The following SPC25 variants were observed in gnomAD, a reference collection of about 807,000 sequenced individuals.
SPC25 encodes SPC25 component of NDC80 kinetochore complex.
In SPC25, 22 loss-of-function variants were observed where a neutral mutation model predicts 29.6. The ratio of observed to expected loss-of-function variants is 0.74; its 90% CI spans 0.53 to 1.06. The LOEUF (loss-of-function observed/expected upper bound fraction) is 1.06. Among genes scored for constraint, SPC25 ranks in the 50% least tolerant of loss-of-function variants. SPC25 has a pLI of 0.00. For synonymous variants in SPC25, 91 were observed against 90.4 expected (o/e 1.01, Z -0.04); for missense variants, 230 against 255.8 (o/e 0.90, Z 0.69).
intron 4 of SPC25, 76 bp downstream of exon 4, chr2:168,877,162 G>A (rs1309193105): frequency 6.6e-7 from 1 of 1,515,324 alleles, no homozygotes; most frequent in Non-Finnish European, 9.0e-7. Context: ...AACTGGAACA[G>A]GCAAGATGTA....
intron 3 of SPC25, among the ~76,000 whole-genome samples, chr2:168,887,764 T>C (rs480731): frequency 0.32 from 48,425 of 152,046 alleles, 8,630 homozygotes; most frequent in East Asian, 0.56. Flanking sequence ...GCAAGAATAG[T>C]AGTAAAAATA....
intron 4 of SPC25, chr2:168,861,914 T>C (rs1329556778): frequency 1.9e-6 from 3 of 1,551,704 alleles, no homozygotes; most frequent in Non-Finnish European, 1.8e-6. Context: ...CTCATATTCA[T>C]TTGCCTGCTA....
chr2:168,863,551 T>C (rs921077628), intron 4 of SPC25: 9 of 985,274 alleles, frequency 9.1e-6, no homozygotes, highest in Non-Finnish European at 1.1e-5. Flanking sequence ...TGGAATTCTC[T>C]TTATTTGAAT....
At chr2:168,875,680 G>T (rs531481715) in intron 5 of SPC25, among the ~76,000 whole-genome samples, 10 of 152,110 alleles carry the variant, frequency 6.6e-5, no homozygotes, top group African/African-American at 2.4e-4. Context: ...CCAAATGTTG[G>T]TAGAAGCAAA....
downstream of SPC25, among the ~76,000 whole-genome samples, chr2:168,870,408 G>A (rs1426557077): frequency 1.0e-2 from 1,148 of 114,964 alleles, 2 homozygotes; most frequent in African/African-American, 0.033. Flanking sequence ...ACCACCATCA[G>A]AGTGAACAGG....
At chr2:168,878,820 T>A (rs1304832274) in intron 3 of SPC25, among the ~76,000 whole-genome samples, 2 of 152,260 alleles carry the variant, frequency 1.3e-5, no homozygotes, top group Admixed American at 1.3e-4. Flanking sequence ...TTTGCTATTC[T>A]GTGCTATTTT....
At chr2:168,870,130 G>T (rs1574356866), downstream of SPC25, among the ~76,000 whole-genome samples, 5 of 151,624 alleles carry the variant, frequency 3.3e-5, no homozygotes, top group South Asian at 8.4e-4. Context: ...TTAATAAATG[G>T]TGCTGGGAAA....
At chr2:168,865,928 C>T (rs1271425266), downstream of SPC25, among the ~76,000 whole-genome samples, 1 of 152,244 alleles carries the variant, frequency 6.6e-6, no homozygotes. Context: ...ATGTGAAGGA[C>T]CTCTTCAAGG....
chr2:168,878,531 C>T (rs1690125852), intron 3 of SPC25, among the ~76,000 whole-genome samples: 1 of 152,104 alleles, frequency 6.6e-6, no homozygotes, highest in Non-Finnish European at 1.5e-5. Context: ...TTAATATTTC[C>T]CTAGAAGTTT....
chr2:168,882,559 G>A (rs1329226760), intron 3 of SPC25, among the ~76,000 whole-genome samples: 2 of 152,164 alleles, frequency 1.3e-5, no homozygotes, highest in Non-Finnish European at 2.9e-5. Context: ...CTGCGATCAC[G>A]CCACTGCACT....
intron 5 of SPC25, among the ~76,000 whole-genome samples, chr2:168,875,668 A>G (rs1690072559): frequency 6.6e-6 from 1 of 152,164 alleles, no homozygotes; most frequent in Non-Finnish European, 1.5e-5. Context: ...AAATGGCAGA[A>G]TCCAAATGTT....
intron 3 of SPC25, among the ~76,000 whole-genome samples, chr2:168,886,240 G>A (rs1053830687): frequency 6.6e-6 from 1 of 151,740 alleles, no homozygotes; most frequent in African/African-American, 2.4e-5. Context: ...AATTTTTATT[G>A]AGACAAGGTC....
At chr2:168,890,291 G>T in intron 1 of SPC25, 27 bp downstream of exon 1, 1 of 970,660 alleles carries the variant, frequency 1.0e-6, no homozygotes, top group Non-Finnish European at 1.2e-6. Context: ...GGGCCAAGGA[G>T]CCCAGCTCGG....
rs1183281593 is a variant in SPC25, at chr2:168,888,957, G to GTGTGTA, written c.199+268_199+269insTACACA. On this transcript the variant is annotated intron_variant, in intron 3 of 6. Transcript: ENST00000282074. ...TGTGTGTGTGTGTGTGTGTGTGTGT[G>GTGTGTA]TATATATATATATATACACACACAC... Among the ~76,000 whole-genome samples, 151 of 91,666 alleles carry GTGTGTA rather than the reference G, an allele frequency of 1.6e-3. 5 individuals carry two copies. Among genetic ancestry groups the GTGTGTA allele is most frequent in the African/African-American group, 3.3e-3 (71 of 21,550 alleles). The allele number at this position is 91,666 out of a possible 152,430, so 60.1% of individuals were successfully genotyped here.
chr2:168,862,131 G>A (rs1039912543), intron 4 of SPC25: 19 of 1,247,390 alleles, frequency 1.5e-5, no homozygotes, highest in African/African-American at 4.4e-5. Flanking sequence ...TAGTGTGGCA[G>A]CCTTAAGAGT....
intron 3 of SPC25, chr2:168,884,927 A>C (rs1690237094): frequency 6.6e-6 from 1 of 152,156 alleles, no homozygotes; most frequent in Non-Finnish European, 1.5e-5. Flanking sequence ...AGTAATGAGT[A>C]AATAAATATT....
chr2:168,880,498 G>A (rs183833478), intron 3 of SPC25, among the ~76,000 whole-genome samples: 321 of 152,282 alleles, frequency 2.1e-3, no homozygotes, highest in Non-Finnish European at 3.9e-3. Context: ...GGAATGTTGT[G>A]GTTTGTTTGC....
intron 4 of SPC25, among the ~76,000 whole-genome samples, chr2:168,864,228 C>A (rs144684462): frequency 5.9e-5 from 9 of 151,770 alleles, no homozygotes; most frequent in Non-Finnish European, 1.0e-4. Flanking sequence ...CTGCCCATCG[C>A]GGCCTCCCAA....
At chr2:168,866,659 G>A (rs1689859757), downstream of SPC25, among the ~76,000 whole-genome samples, 5 of 152,294 alleles carry the variant, frequency 3.3e-5, no homozygotes, top group South Asian at 1.0e-3. Context: ...CTTCTGCACA[G>A]CAAAAGAAAC....
Sources: allele counts gnomAD v4.1 joint callset (sites outside exome capture counted in the v4.1 genomes callset), GRCh38; gene constraint gnomAD v4.1.1; transcripts MANE v1.5; gene names NCBI Gene and HGNC (gene_info 2026-07-23, HGNC 2026-07-21).